Variants in DCST2 observed in about 807,000 individuals in gnomAD.
DCST2 encodes DC-STAMP domain-containing protein 2.
Under a neutral mutation model 81.8 loss-of-function variants are expected in DCST2, and 64 were observed. The observed-to-expected ratio is 0.78, with a 90% CI of 0.64 to 0.96. DCST2 has a LOEUF of 0.96. Among genes scored for constraint, DCST2 ranks in the 40% least tolerant of loss-of-function variants. The pLI, the probability that DCST2 is intolerant of heterozygous loss-of-function variation, is 0.00. For synonymous variants in DCST2, 354 were observed against 402.6 expected, an observed-to-expected ratio of 0.88 and a Z score of 1.44; for missense variants, 945 against 1,001.4, an observed-to-expected ratio of 0.94 and a Z score of 0.76.
intron 3 of DCST2, among the ~76,000 whole-genome samples, chr1:155,032,445 CAT>C (rs1660122998): frequency 6.6e-6 from 1 of 152,146 alleles, no homozygotes; most frequent in African/African-American, 2.4e-5. Context: ...GGACTACAGA[CAT>C]GTGTCATTAC....
At chr1:155,031,472 C>T in intron 4 of DCST2, 102 bp downstream of exon 4, 1 of 1,352,580 alleles carries the variant, frequency 7.4e-7, no homozygotes, top group South Asian at 1.3e-5. Flanking sequence ...CTGTTGCCCT[C>T]TAATCGTCCT....
At chr1:155,027,506 T>C (rs1659946515) in intron 8 of DCST2, among the ~76,000 whole-genome samples, 1 of 151,316 alleles carries the variant, frequency 6.6e-6, no homozygotes, top group South Asian at 2.1e-4. Context: ...AAGTGCTTTA[T>C]TGTTTGTTTT....
At chr1:155,032,522 G>A in intron 3 of DCST2, 145 bp downstream of exon 3, 1 of 603,860 alleles carries the variant, frequency 1.7e-6, no homozygotes, top group South Asian at 1.9e-5. Context: ...TCGCCATGTT[G>A]CCAAGGCTGG....
At chr1:155,031,428 C>CAAA in intron 4 of DCST2, 146 bp downstream of exon 4, 1 of 978,426 alleles carries the variant, frequency 1.0e-6, no homozygotes, top group Non-Finnish European at 1.5e-6. Flanking sequence ...CCCCCACCCC[C>CAAA]AATACTGGTC....
In DCST2 at chr1:155,024,472, C is replaced by T. The variant is rs1347027775; in HGVS notation, c.1742G>A (p.Arg581Gln). ...CCTATAGAAAAGACAGTGGCCTCAC[C>T]GACTGGCCAGCACTAGGAAGGCACT... ...HRSAFLVLAS[R>Q]CPCLGPFVSH... Residue 581 changes from arginine (R) to glutamine (Q), a missense_variant and splice_region_variant, in exon 11 of 15, where the codon CGG (arginine) becomes CAG (glutamine). Coordinates refer to ENST00000368424, the MANE Select transcript of DCST2 (RefSeq NM_144622.3). 5.0e-6 allele frequency: 8 copies of T among 1,600,314 alleles called. No individual in the cohort carries two copies. The highest frequency in any genetic ancestry group is 3.4e-5 in the Admixed American group (2 of 58,658).
At position 155,032,764 on chromosome 1, in the gene DCST2, G is replaced by T. The variant is rs1230767675; in HGVS notation, c.444C>A (p.Ala148=). ...LQRAKQPLVS[A]LNKIKAIARK... ...GGGCAATAGCTTTAATCTTGTTCAGGGCACCTGATGGGTGAGGGACAGAGG... is the reference window on the plus strand; with the variant it reads ...GGGCAATAGCTTTAATCTTGTTCAGTGCACCTGATGGGTGAGGGACAGAGG... The change falls in exon 3 of 15, where the codon GCC becomes GCA. Residue 148 remains alanine, a synonymous_variant. Coordinates refer to ENST00000368424, the MANE Select transcript of DCST2 (RefSeq NM_144622.3). The T allele has an allele frequency of 6.2e-7, 1 of 1,613,898 alleles. No individual in the cohort carries two copies. The highest frequency in any genetic ancestry group is 8.5e-7 in the Non-Finnish European group (1 of 1,179,930).
intron 2 of DCST2, 115 bp downstream of exon 2, chr1:155,032,979 C>T (rs1284506975): frequency 2.4e-6 from 3 of 1,252,452 alleles, no homozygotes; most frequent in Admixed American, 2.7e-5. Context: ...CCTTCCAGGC[C>T]CAGATGCTCC....
chr1:155,022,287 T>G (rs527375780), intron 14 of DCST2, among the ~76,000 whole-genome samples: 49 of 152,274 alleles, frequency 3.2e-4, no homozygotes, highest in African/African-American at 1.1e-3. Flanking sequence ...TCTCCCAGCA[T>G]TCTCTGAGGT....
chr1:155,028,033 T>C (rs1659961789), intron 8 of DCST2, among the ~76,000 whole-genome samples: 1 of 151,956 alleles, frequency 6.6e-6, no homozygotes, highest in Non-Finnish European at 1.5e-5. Flanking sequence ...CAAGTGATTT[T>C]CCTGCCTCAG....
intron 7 of DCST2, among the ~76,000 whole-genome samples, 188 bp from the exon 8 acceptor site, chr1:155,029,585 T>C (rs959639897): frequency 1.3e-5 from 2 of 152,128 alleles, no homozygotes; most frequent in Non-Finnish European, 2.9e-5. Flanking sequence ...GGGGGCTCCG[T>C]GGCTAGAAGG....
intron 8 of DCST2, among the ~76,000 whole-genome samples, chr1:155,027,198 A>ATTTTT (rs900841532): frequency 3.2e-5 from 3 of 94,180 alleles, no homozygotes; most frequent in Admixed American, 1.3e-4. Context: ...ACGACCGGCT[A>ATTTTT]TTTTTTTTTT....
rs139574069 is a variant in DCST2, at chr1:155,030,518, A to G, written c.933T>C (p.Ala311=). The G allele has an allele frequency of 1.2e-6, 2 of 1,614,020 alleles. No homozygotes were observed. Among genetic ancestry groups the G allele is most frequent in the African/African-American group, 2.7e-5 (2 of 74,918 alleles). ...LSQVAMDLHE[A]VSMKLHRVRE... is the part of the protein sequence containing the mutation. ...GGACACGGTGCAGCTTCATGCTGAC[A>G]GCCTCGTGGAGGTCCATGGCTACCT... The change falls in exon 6 of 15, where the codon GCT becomes GCC. Residue 311 remains alanine, a synonymous_variant. Transcript: ENST00000368424.
intron 8 of DCST2, 141 bp from the exon 9 acceptor site, chr1:155,026,856 C>T: frequency 2.0e-6 from 2 of 994,788 alleles, no homozygotes; most frequent in South Asian, 1.5e-5. Context: ...ATGCCTCAGG[C>T]ACCCTCATGG....
At chr1:155,021,994 G>C (rs560989398) in intron 14 of DCST2, among the ~76,000 whole-genome samples, 3 of 151,838 alleles carry the variant, frequency 2.0e-5, no homozygotes, top group Admixed American at 2.0e-4. Context: ...AGCCTCCCGA[G>C]TAGCTGGGAC....
intron 3 of DCST2, 62 bp from the exon 4 acceptor site, chr1:155,031,833 T>G (rs567647232): frequency 2.0e-6 from 3 of 1,529,396 alleles, no homozygotes; most frequent in South Asian, 2.3e-5. Flanking sequence ...CTCAGGGTTT[T>G]GGGGAACAAT....
In DCST2 at chr1:155,031,594, G is replaced by T. The variant is rs200765902; in HGVS notation, c.719C>A (p.Ala240Glu). The T allele has an allele frequency of 6.5e-7, 1 of 1,533,680 alleles. No individual in the cohort carries two copies. The highest frequency in any genetic ancestry group is 1.4e-5 in the African/African-American group (1 of 71,560). Residue 240 changes from alanine to glutamate, a missense_variant, in exon 4 of 15, where the codon GCG (alanine) becomes GAG (glutamate). Physicochemically the swap from Ala to Glu is moderately radical, Grantham distance 107 (BLOSUM62 -1). Transcript: ENST00000368424. ...CTCACGGCTGGCAAGTCCACAGAGC[G>T]CCAGTTTGAAGGGCATGAGCACGTA... ...LCYVLMPFKL[A>E]LCGLASLVQV...
At chr1:155,024,749 G>T in intron 10 of DCST2, 147 bp from the exon 11 acceptor site, 1 of 948,142 alleles carries the variant, frequency 1.1e-6, no homozygotes, top group Non-Finnish European at 1.4e-6. Context: ...CCTCTGGGAA[G>T]TCTTCTGGAC....
rs141193101 is a variant in DCST2 at position 155,030,564 on chromosome 1, T to C, written c.887A>G (p.Asn296Ser). 49 of 1,613,872 alleles carry C rather than the reference T, an allele frequency of 3.0e-5. No individual in the cohort carries two copies. The highest frequency in any genetic ancestry group is 5.0e-5 in the Admixed American group (3 of 59,984). The change falls in exon 6 of 15, where the codon AAT (asparagine) becomes AGT (serine). Residue 296 changes from asparagine to serine, a missense_variant. Transcript: ENST00000368424. ...TACCTGGGACAGGCTCCGAGAGGCA[T>C]TGAGATCCACAGAGAAGTGGTGGGT... Reference protein sequence around the residue: ...TATHHFSVDLNASRSLSQVAM... With the variant: ...TATHHFSVDLSASRSLSQVAM...
In DCST2 at chr1:155,024,549, C is replaced by G. The variant is rs1182235643; in HGVS notation, c.1665G>C (p.Leu555Phe). 6.2e-7 allele frequency: 1 copy of G among 1,609,346 alleles called. No homozygotes were observed. Among genetic ancestry groups the G allele is most frequent in the East Asian group, 2.2e-5 (1 of 44,612 alleles). The change falls in exon 11 of 15, where the codon TTG (leucine) becomes TTC (phenylalanine). Residue 555 changes from leucine (L) to phenylalanine (F), a missense_variant. Coordinates refer to ENST00000368424, the MANE Select transcript of DCST2 (RefSeq NM_144622.3). Reference sequence around the variant, plus strand: ...GCCTCACTGATCGGTGCAGGGCAGCCAACAGATTGGTTCGGCGGCTCAGAA... The same window carrying G: ...GCCTCACTGATCGGTGCAGGGCAGCGAACAGATTGGTTCGGCGGCTCAGAA... ...NVLLSRRTNL[L>F]AALHRSVRRR...
Sources: allele counts gnomAD v4.1 joint callset (sites outside exome capture counted in the v4.1 genomes callset), GRCh38; gene constraint gnomAD v4.1.1; transcripts MANE v1.5; gene names NCBI Gene and HGNC (gene_info 2026-07-23, HGNC 2026-07-21).